Variants in KNL1 observed in about 807,000 individuals in gnomAD.
KNL1 encodes the protein outer kinetochore KNL1 complex subunit KNL1.
Under a neutral mutation model 201.3 loss-of-function variants are expected in KNL1, and 66 were observed. The ratio of observed to expected loss-of-function variants is 0.33; its 90% CI spans 0.27 to 0.40. The LOEUF (loss-of-function observed/expected upper bound fraction) is 0.40, where lower values mean the gene tolerates loss of function less well. Among genes scored for constraint, KNL1 ranks in the 10% least tolerant of loss-of-function variants. The probability of loss-of-function intolerance (pLI) is 1.00; values close to 1 mark genes in which losing one functional copy is unlikely to be tolerated. For missense variants in KNL1, 2,815 were observed against 2,690.5 expected, an observed-to-expected ratio of 1.05 and a Z score of -1.02; for synonymous variants, 895 against 899.2, an observed-to-expected ratio of 1.00 and a Z score of 0.08.
chr15:40,597,000 CAAA>C (rs35126045), intron 1 of KNL1, among the ~76,000 whole-genome samples: 155 of 90,512 alleles, frequency 1.7e-3, no homozygotes, highest in African/African-American at 3.6e-3. Flanking sequence ...AACTCCATCT[CAAA>C]AAAAAAAAAA....
At chr15:40,642,201 C>T (rs549272273) in intron 14 of KNL1, among the ~76,000 whole-genome samples, 2 of 152,178 alleles carry the variant, frequency 1.3e-5, no homozygotes, top group East Asian at 3.9e-4. Context: ...AGATCGAGAC[C>T]ATCCTGGCTA....
At chr15:40,601,173 A>G (rs1294595358) in intron 1 of KNL1, among the ~76,000 whole-genome samples, 1 of 152,190 alleles carries the variant, frequency 6.6e-6, no homozygotes, top group Non-Finnish European at 1.5e-5. Context: ...TCACGGGAGC[A>G]CAAACCCTGT....
intron 22 of KNL1, among the ~76,000 whole-genome samples, chr15:40,656,756 G>A (rs1351719920): frequency 2.7e-5 from 4 of 150,158 alleles, no homozygotes; most frequent in Non-Finnish European, 5.9e-5. Context: ...TATGGTGGCA[G>A]ACGCCTGTAA....
Position 40,650,389 on chromosome 15 carries a change from T to A in KNL1, c.6172+11T>A. On this transcript the variant is annotated intron_variant, in intron 18 of 25. Coordinates refer to ENST00000399668, the MANE Select transcript of KNL1 (RefSeq NM_144508.5). ...GAGCTGCAGAAAAAGGTAATTGAAT[T>A]AGTTAAGGAGATAAATGGGTGTGGG... The A allele has an allele frequency of 6.2e-7, 1 of 1,604,574 alleles. No individual in the cohort carries two copies. Among genetic ancestry groups the A allele is most frequent in the South Asian group, 1.1e-5 (1 of 90,776 alleles).
chr15:40,628,416 C>T (rs941962126), intron 11 of KNL1, among the ~76,000 whole-genome samples, 195 bp from the exon 12 acceptor site: 1 of 152,106 alleles, frequency 6.6e-6, no homozygotes, highest in East Asian at 1.9e-4. Flanking sequence ...AGAGTGATTT[C>T]CTTCATGGGC....
intron 15 of KNL1, 137 bp downstream of exon 15, chr15:40,645,224 C>A (rs1893350756): frequency 1.8e-6 from 1 of 545,904 alleles, no homozygotes; most frequent in South Asian, 2.4e-5. Flanking sequence ...GTACCAAGGT[C>A]TTATTTAATT....
At chr15:40,619,723 G>A (rs1892453759) in intron 9 of KNL1, among the ~76,000 whole-genome samples, 2 of 152,088 alleles carry the variant, frequency 1.3e-5, no homozygotes, top group Admixed American at 1.3e-4. Flanking sequence ...ATATAGATTA[G>A]CCATCATGGG....
At chr15:40,625,771 C>A in intron 10 of KNL1, 131 bp downstream of exon 10, 1 of 666,760 alleles carries the variant, frequency 1.5e-6, no homozygotes. Context: ...ACTTAGAGGG[C>A]TGGAGAAATA....
At chr15:40,631,273 C>A (rs958044653) in intron 13 of KNL1, among the ~76,000 whole-genome samples, 3 of 151,712 alleles carry the variant, frequency 2.0e-5, no homozygotes, top group Non-Finnish European at 2.9e-5. Flanking sequence ...TTGGGGACTG[C>A]TGTTGTAGAC....
At chr15:40,602,556 A>G (rs552198845) in intron 1 of KNL1, among the ~76,000 whole-genome samples, 36 of 129,730 alleles carry the variant, frequency 2.8e-4, no homozygotes, top group Non-Finnish European at 4.9e-4. Flanking sequence ...GAGTGATCTC[A>G]GCTCACCGCA....
At chr15:40,656,561 T>C (rs914478540) in intron 22 of KNL1, among the ~76,000 whole-genome samples, 2 of 152,196 alleles carry the variant, frequency 1.3e-5, no homozygotes, top group African/African-American at 4.8e-5. Context: ...ATCTTCACCA[T>C]ACATGTTATA....
rs1321550173 is a variant in KNL1, at chr15:40,625,378, T to G, written c.5114T>G (p.Leu1705Arg). ...GGATCTGTTGCAGGTAAACTGAACC[T>G]AAGTCCTTCTCAATATATAAATGAG... Reference protein sequence around the residue: ...GIGSVAGKLNLSPSQYINEEN... With the variant: ...GIGSVAGKLNRSPSQYINEEN... The change falls in exon 10 of 26, where the codon CTA (leucine) becomes CGA (arginine). Residue 1705 changes from leucine to arginine, a missense_variant. Transcript: ENST00000399668. 1 of 1,614,044 alleles carries G rather than the reference T, an allele frequency of 6.2e-7. No individual in the cohort carries two copies. The highest frequency in any genetic ancestry group is 8.5e-7 in the Non-Finnish European group (1 of 1,179,966).
At position 40,657,027 on chromosome 15, in the gene KNL1, T is replaced by A; in HGVS notation, c.6485-15T>A. 7.4e-7 allele frequency: 1 copy of A among 1,355,182 alleles called. No homozygotes were observed. The highest frequency in any genetic ancestry group is 1.0e-6 in the Non-Finnish European group (1 of 990,808). 83.9% of individuals were successfully genotyped at this position (1,355,182 alleles called of 1,614,324 possible). A position where few individuals can be genotyped will look rare whatever the true frequency, so the allele number is the denominator to read the frequency against. On this transcript the variant is annotated splice_polypyrimidine_tract_variant and intron_variant, in intron 22 of 25. Coordinates refer to ENST00000399668, the MANE Select transcript of KNL1 (RefSeq NM_144508.5). ...AAGTAATAACCTGCTTTTGCTTTTT[T>A]TTTTCCTTCCCCAGAGGATCAAGCT... is the stretch of plus-strand genomic sequence containing the variant.
intron 7 of KNL1, among the ~76,000 whole-genome samples, chr15:40,614,516 A>G (rs1006191633): frequency 6.6e-6 from 1 of 152,138 alleles, no homozygotes; most frequent in Non-Finnish European, 1.5e-5. Context: ...TACAGACGTG[A>G]GCCACCACAC....
chr15:40,655,156 G>A lies in KNL1; in HGVS notation c.6484+179G>A, dbSNP rs557595022. The stretch of plus-strand genomic sequence containing the variant: ...CTGCTAAAAATACAAAAACTAGCCG[G>A]GTGTGATGGTGCCCTCCTGTAGCCC... On this transcript the variant is annotated intron_variant, in intron 22 of 25. Coordinates refer to ENST00000399668, the MANE Select transcript of KNL1 (RefSeq NM_144508.5). 2.0e-5 allele frequency among the ~76,000 whole-genome samples: 3 copies of A among 151,828 alleles called. No homozygotes were observed. The South Asian group carries it at 6.3e-4, about 32-fold the overall frequency.
Position 40,624,618 on chromosome 15 carries a change from T to C in KNL1, c.4354T>C (p.Leu1452=). 1 of 1,613,878 alleles carries C rather than the reference T, an allele frequency of 6.2e-7. No individual in the cohort carries two copies. Among genetic ancestry groups the C allele is most frequent in the Non-Finnish European group, 8.5e-7 (1 of 1,179,880 alleles). The change falls in exon 10 of 26, where the codon TTA becomes CTA. Residue 1452 remains leucine (L), a synonymous_variant. Coordinates refer to ENST00000399668, the MANE Select transcript of KNL1 (RefSeq NM_144508.5). ...TCATTTCTCAACCGACCAACCTCCA[T>C]TACCTAAAAAAGGACAGAGTAGTAT... The part of the protein sequence containing the change: ...QPHFSTDQPP[L]PKKGQSSINK...
chr15:40,608,779 A>T, intron 4 of KNL1, 68 bp from the exon 5 acceptor site: 2 of 1,111,592 alleles, frequency 1.8e-6, no homozygotes, highest in Non-Finnish European at 2.7e-6. Context: ...ATCTCTGTCT[A>T]TAGTACTCTG....
intron 1 of KNL1, among the ~76,000 whole-genome samples, chr15:40,594,725 CTTCTTGCA>C (rs1891573134): frequency 6.6e-6 from 1 of 152,244 alleles, no homozygotes; most frequent in Non-Finnish European, 1.5e-5. Context: ...CTCGCGGACT[CTTCTTGCA>C]CCCCTGCCGC....
intron 10 of KNL1, 32 bp from the exon 11 acceptor site, chr15:40,628,037 AT>A: frequency 6.7e-7 from 1 of 1,497,576 alleles, no homozygotes; most frequent in East Asian, 2.3e-5. Flanking sequence ...TGTATATTTT[AT>A]TCTGATGATA....
Sources: gnomAD v4.1 joint callset for allele counts (sites outside exome capture counted in the v4.1 genomes callset) on GRCh38, gnomAD v4.1.1 for gene constraint, MANE v1.5 for transcripts, NCBI Gene and HGNC (gene_info 2026-07-23, HGNC 2026-07-21) for gene names.